VAT1L: variants seen among roughly 807,000 people sequenced by gnomAD.
VAT1L encodes the protein putative NADPH-dependent quinone oxidoreductase VAT1L.
A neutral mutation model predicts 44.1 loss-of-function variants in VAT1L; 34 were observed. The ratio of observed to expected loss-of-function variants is 0.77; its 90% CI spans 0.59 to 1.03. VAT1L has a LOEUF of 1.03. VAT1L is among the 50% of genes least tolerant of loss of function. The probability of loss-of-function intolerance (pLI) is 0.00; values close to 1 mark genes in which losing one functional copy is unlikely to be tolerated. For synonymous variants in VAT1L, 253 were observed against 202.2 expected, an observed-to-expected ratio of 1.25 and a Z score of -2.13; for missense variants, 615 against 538.8, an observed-to-expected ratio of 1.14 and a Z score of -1.40.
At chr16:77,872,111 GCA>G (rs1365202633) in intron 4 of VAT1L, among the ~76,000 whole-genome samples, 1 of 152,124 alleles carries the variant, frequency 6.6e-6, no homozygotes, top group Non-Finnish European at 1.5e-5. Context: ...GGAAACTGAG[GCA>G]CAGAGAGGCT....
chr16:77,865,099 G>A (rs571227620), intron 4 of VAT1L, among the ~76,000 whole-genome samples: 76 of 147,826 alleles, frequency 5.1e-4, no homozygotes, highest in African/African-American at 1.8e-3. Flanking sequence ...TCAGCCTCCC[G>A]AGTAGCTGGG....
At chr16:77,969,009 G>C (rs936835747) in intron 7 of VAT1L, among the ~76,000 whole-genome samples, 1 of 151,958 alleles carries the variant, frequency 6.6e-6, no homozygotes, top group Admixed American at 6.6e-5. Flanking sequence ...AGTAGAGATG[G>C]GGTTTCCCCA....
intron 7 of VAT1L, among the ~76,000 whole-genome samples, chr16:77,910,637 G>T (rs1306846193): frequency 7.4e-6 from 1 of 135,704 alleles, no homozygotes; most frequent in African/African-American, 2.8e-5. Context: ...TCGCTCCACT[G>T]CACTCCAGCC....
chr16:77,896,112 C>T (rs1358360445), intron 7 of VAT1L, among the ~76,000 whole-genome samples: 3 of 152,282 alleles, frequency 2.0e-5, no homozygotes, highest in Non-Finnish European at 2.9e-5. Context: ...TCCCGCCAAC[C>T]GCCGGAATAT....
chr16:77,823,174 C>T lies in VAT1L; in HGVS notation c.364-2072C>T, dbSNP rs567273748. Among the ~76,000 whole-genome samples, 3 of 151,858 alleles carry T rather than the reference C, an allele frequency of 2.0e-5. No individual in the cohort carries two copies. In the South Asian group the frequency reaches 6.3e-4, roughly 32 times the overall value. The stretch of plus-strand genomic sequence containing the variant: ...TGGAAAATCCCCAGGGTTTTGGGAG[C>T]GCTCACCTCCAGGCTACTCTGACAT... On this transcript the variant is annotated intron_variant, in intron 2 of 8. Transcript: ENST00000302536.
chr16:77,863,041 C>T lies in VAT1L; in HGVS notation c.722+151C>T, dbSNP rs115912534. Reference sequence around the variant, plus strand: ...TTAGCTCTGTGCCAAATATTTCACACGCATTAGTTCATTTAATCCTCTTAA... The same window carrying T: ...TTAGCTCTGTGCCAAATATTTCACATGCATTAGTTCATTTAATCCTCTTAA... On this transcript the variant is annotated intron_variant, in intron 4 of 8. Coordinates refer to ENST00000302536, the MANE Select transcript of VAT1L (RefSeq NM_020927.3). 6.2e-3 allele frequency: 5,951 copies of T among 955,596 alleles called. 57 individuals carry two copies. Among genetic ancestry groups the T allele is most frequent in the African/African-American group, 0.041 (2,459 of 59,966 alleles). 59.2% of individuals were successfully genotyped at this position (955,596 alleles called of 1,614,324 possible).
chr16:77,971,010 CTTTTTT>C (rs11312977), intron 7 of VAT1L, among the ~76,000 whole-genome samples: 1 of 149,984 alleles, frequency 6.7e-6, no homozygotes, highest in Non-Finnish European at 1.5e-5. Flanking sequence ...TCTATTAAAA[CTTTTTT>C]TTTTTTCTTA....
chr16:77,907,922 T>C (rs1217580711), intron 7 of VAT1L, among the ~76,000 whole-genome samples: 1 of 152,154 alleles, frequency 6.6e-6, no homozygotes, highest in Non-Finnish European at 1.5e-5. Flanking sequence ...AAGATTGAAA[T>C]ATCCACTTCA....
At position 77,788,644 on chromosome 16, in the gene VAT1L, C is replaced by T; in HGVS notation, c.-39C>T. 2 of 1,543,184 alleles carry T rather than the reference C, an allele frequency of 1.3e-6. No homozygotes were observed. Among genetic ancestry groups the T allele is most frequent in the South Asian group, 1.2e-5 (1 of 83,738 alleles). Reference sequence around the variant, plus strand: ...CACTCCCCCAGCGCCGCAGCCACCGCAGCCACCGCAGCCCGTGCGCCCCGC... The same window carrying T: ...CACTCCCCCAGCGCCGCAGCCACCGTAGCCACCGCAGCCCGTGCGCCCCGC... On this transcript the variant is annotated 5_prime_UTR_variant, in exon 1 of 9. Transcript: ENST00000302536.
At chr16:77,900,972 G>C (rs1295566189) in intron 7 of VAT1L, among the ~76,000 whole-genome samples, 4 of 152,048 alleles carry the variant, frequency 2.6e-5, no homozygotes, top group African/African-American at 7.2e-5. Context: ...ATTTGCTTTG[G>C]GTCAGCATCA....
At chr16:77,917,007 G>A (rs1023237390) in intron 7 of VAT1L, among the ~76,000 whole-genome samples, 8 of 152,120 alleles carry the variant, frequency 5.3e-5, no homozygotes, top group African/African-American at 1.4e-4. Context: ...GTATTACTTC[G>A]GTGATCAAAG....
At chr16:77,899,166 G>A (rs1223173428) in intron 7 of VAT1L, among the ~76,000 whole-genome samples, 2 of 152,102 alleles carry the variant, frequency 1.3e-5, no homozygotes, top group African/African-American at 4.8e-5. Flanking sequence ...TTTTACAGAT[G>A]AGGGCACTGA....
At chr16:77,812,239 A>C (rs954336220) in intron 1 of VAT1L, among the ~76,000 whole-genome samples, 1 of 151,846 alleles carries the variant, frequency 6.6e-6, no homozygotes, top group African/African-American at 2.4e-5. Flanking sequence ...CGCCCGGCTA[A>C]TTTTTGTATT....
At chr16:77,977,025 C>A (rs970278129) in intron 8 of VAT1L, among the ~76,000 whole-genome samples, 2 of 152,128 alleles carry the variant, frequency 1.3e-5, no homozygotes, top group African/African-American at 4.8e-5. Context: ...ACCCCTCACA[C>A]CTCCCCTTGG....
intron 7 of VAT1L, among the ~76,000 whole-genome samples, chr16:77,891,081 G>T (rs558254801): frequency 6.6e-6 from 1 of 152,148 alleles, no homozygotes; most frequent in African/African-American, 2.4e-5. Flanking sequence ...TCGGCCGGGC[G>T]TGGTGGCTCA....
rs1555509804 is a variant in VAT1L at position 77,788,760 on chromosome 16, G to GGGA, written c.80_81insAGG (p.Gly30dup). ...AGGAGGCAGGCAAGGAGCCGGCGGA[G>GGGA]GGCGGCGGCGGCGACGGCTCGCACC... is the stretch of plus-strand genomic sequence containing the variant. On this transcript the variant is annotated inframe_insertion, in exon 1 of 9. Transcript: ENST00000302536. 2 of 1,562,176 alleles carry GGGA rather than the reference G, an allele frequency of 1.3e-6. No individual in the cohort carries two copies. The highest frequency in any genetic ancestry group is 1.4e-5 in the African/African-American group (1 of 74,012).
chr16:77,794,079 C>G lies in VAT1L; in HGVS notation c.233+5164C>G, dbSNP rs2015884808. ...CCAAGTGTGCCTAAAACCCAAATGG[C>G]TCTTTACATTTTGGAGAATCAGACA... On this transcript the variant is annotated intron_variant, in intron 1 of 8. Coordinates refer to ENST00000302536, the MANE Select transcript of VAT1L (RefSeq NM_020927.3). Among the ~76,000 whole-genome samples the G allele has an allele frequency of 2.0e-5, 3 of 152,128 alleles. No individual in the cohort carries two copies. The South Asian group carries it at 6.2e-4, about 32-fold the overall frequency.
intron 7 of VAT1L, among the ~76,000 whole-genome samples, chr16:77,891,802 G>C (rs2017268645): frequency 6.6e-6 from 1 of 152,200 alleles, no homozygotes; most frequent in Non-Finnish European, 1.5e-5. Context: ...GCCGGGCGCG[G>C]TGGCTCATGC....
In VAT1L at chr16:77,879,359, C is replaced by T. The variant is rs893898710; in HGVS notation, c.882+135C>T. 135 of 908,146 alleles carry T rather than the reference C, an allele frequency of 1.5e-4. No homozygotes were observed. The highest frequency in any genetic ancestry group is 9.3e-4 in the African/African-American group (56 of 60,196). 56.3% of individuals were successfully genotyped at this position (908,146 alleles called of 1,614,324 possible). A position where few individuals can be genotyped will look rare whatever the true frequency, so the allele number is the denominator to read the frequency against. Reference sequence around the variant, plus strand: ...AGGCTGGAGTGCAATGGCACGATCTCGGCTCATGGCAACCTCCGACTCCCT... The same window carrying T: ...AGGCTGGAGTGCAATGGCACGATCTTGGCTCATGGCAACCTCCGACTCCCT... On this transcript the variant is annotated intron_variant, in intron 6 of 8. Transcript: ENST00000302536. This position sits in a 1 kb window ranked among gnomAD's most constrained non-coding sequence, Gnocchi z 4.1.
Sources: gnomAD v4.1 joint callset for allele counts (sites outside exome capture counted in the v4.1 genomes callset) on GRCh38, gnomAD v4.1.1 for gene constraint, Gnocchi (gnomAD v3.1) non-coding constraint, MANE v1.5 for transcripts, NCBI Gene and HGNC (gene_info 2026-07-23, HGNC 2026-07-21) for gene names.